Variants in DSCAML1 observed in about 807,000 individuals in gnomAD.
The protein encoded by DSCAML1 is DS cell adhesion molecule like 1.
Under a neutral mutation model 200.5 loss-of-function variants are expected in DSCAML1, and 38 were observed. The observed-to-expected ratio is 0.19, with a 90% CI of 0.15 to 0.25. DSCAML1 has a LOEUF of 0.25. Among genes scored for constraint, DSCAML1 ranks in the 10% least tolerant of loss-of-function variants. DSCAML1 has a pLI of 1.00. For synonymous variants in DSCAML1, 1,215 were observed against 1,165.0 expected (o/e 1.04, Z -0.87); for missense variants, 2,223 against 2,858.8 (o/e 0.78, Z 5.07).
intron 3 of DSCAML1, among the ~76,000 whole-genome samples, chr11:117,701,558 T>C (rs1486398051): frequency 6.6e-6 from 1 of 152,188 alleles, no homozygotes; most frequent in East Asian, 1.9e-4. Context: ...GGCTGCCGGC[T>C]GGGGAAGAGC....
intron 3 of DSCAML1, among the ~76,000 whole-genome samples, chr11:117,717,716 C>G (rs1414310099): frequency 6.6e-6 from 1 of 152,190 alleles, no homozygotes; most frequent in Non-Finnish European, 1.5e-5. Context: ...CATACTCACG[C>G]TCCCACAATG....
At chr11:117,582,092 A>G (rs1026401525) in intron 3 of DSCAML1, among the ~76,000 whole-genome samples, 1 of 152,236 alleles carries the variant, frequency 6.6e-6, no homozygotes, top group African/African-American at 2.4e-5. Flanking sequence ...GAATGAGTTC[A>G]GGGGACAAGA....
At chr11:117,644,687 G>C (rs2052484922) in intron 3 of DSCAML1, among the ~76,000 whole-genome samples, 1 of 152,234 alleles carries the variant, frequency 6.6e-6, no homozygotes, top group Non-Finnish European at 1.5e-5. Context: ...CAGCCGTGCA[G>C]CCTCCCTCTC....
chr11:117,802,411 C>A (rs529733165), intron 1 of DSCAML1, among the ~76,000 whole-genome samples: 5 of 152,178 alleles, frequency 3.3e-5, no homozygotes, highest in African/African-American at 7.2e-5. Flanking sequence ...CCGACCCTTT[C>A]GATTTGTACC....
Position 117,629,151 on chromosome 11 carries a change from T to TA in DSCAML1, c.512-96630dup, listed in dbSNP as rs1328138717. Reference sequence around the variant, plus strand: ...TAATGAGCTTAAAACATCCAGGGATTAAAAAAAAAGATGAAGAAGCTCTAC... The same window carrying TA: ...TAATGAGCTTAAAACATCCAGGGATTAAAAAAAAAAGATGAAGAAGCTCTAC... On this transcript the variant is annotated intron_variant, in intron 3 of 32. Transcript: ENST00000651296. Among the ~76,000 whole-genome samples the TA allele has an allele frequency of 4.0e-5, 6 of 151,176 alleles. No individual in the cohort carries two copies. The East Asian group carries it at 5.9e-4, about 15-fold the overall frequency.
chr11:117,695,504 A>C (rs986903817), intron 3 of DSCAML1, among the ~76,000 whole-genome samples: 11 of 152,056 alleles, frequency 7.2e-5, no homozygotes, highest in Admixed American at 2.0e-4. Flanking sequence ...GTAGAACAAG[A>C]CAAGAGAGCT....
chr11:117,535,091 T>TAAGA (rs1327558921), intron 3 of DSCAML1, among the ~76,000 whole-genome samples: 1 of 152,110 alleles, frequency 6.6e-6, no homozygotes, highest in Non-Finnish European at 1.5e-5. Context: ...TGAGAGCCTC[T>TAAGA]AAGATTAGAC....
chr11:117,759,335 G>T (rs1200360128), intron 3 of DSCAML1, among the ~76,000 whole-genome samples: 7 of 152,170 alleles, frequency 4.6e-5, no homozygotes, highest in Non-Finnish European at 1.0e-4. Context: ...GGAGATCATT[G>T]TTTCAGGATA....
intron 1 of DSCAML1, among the ~76,000 whole-genome samples, chr11:117,815,205 G>A (rs1170556416): frequency 3.3e-5 from 5 of 152,198 alleles, no homozygotes; most frequent in African/African-American, 9.6e-5. Flanking sequence ...TCCAAGGGGC[G>A]GGAGGGAACA....
intron 3 of DSCAML1, among the ~76,000 whole-genome samples, chr11:117,760,417 T>C (rs2054777915): frequency 6.6e-6 from 1 of 152,244 alleles, no homozygotes; most frequent in African/African-American, 2.4e-5. Context: ...TATGTATGCA[T>C]CCAGAAACAA....
intron 3 of DSCAML1, among the ~76,000 whole-genome samples, chr11:117,548,554 G>T (rs2050418462): frequency 6.6e-6 from 1 of 152,254 alleles, no homozygotes; most frequent in African/African-American, 2.4e-5. Flanking sequence ...ACCCAGGAGG[G>T]CCTCAAGTTC....
chr11:117,766,282 G>A (rs1469188486), intron 3 of DSCAML1, among the ~76,000 whole-genome samples: 2 of 152,190 alleles, frequency 1.3e-5, no homozygotes. Flanking sequence ...CATTCTGTAA[G>A]CACCGTTGGC....
intron 1 of DSCAML1, among the ~76,000 whole-genome samples, chr11:117,795,113 A>T (rs2055546139): frequency 6.9e-6 from 1 of 144,528 alleles, no homozygotes; most frequent in East Asian, 2.1e-4. Flanking sequence ...TATTAATGCC[A>T]GGCTCCTGGA....
intron 3 of DSCAML1, among the ~76,000 whole-genome samples, chr11:117,758,534 TG>T (rs1277689241): frequency 1.3e-5 from 2 of 151,808 alleles, no homozygotes; most frequent in Non-Finnish European, 2.9e-5. Flanking sequence ...CCCGAGTAGC[TG>T]GGACTACAGG....
At chr11:117,685,688 G>A (rs1310527478) in intron 3 of DSCAML1, among the ~76,000 whole-genome samples, 2 of 152,216 alleles carry the variant, frequency 1.3e-5, no homozygotes, top group South Asian at 2.1e-4. Flanking sequence ...GCGTACCTCT[G>A]GGTGACTTCC....
Position 117,505,653 on chromosome 11 carries a change from C to T in DSCAML1, c.1863G>A (p.Ser621=), listed in dbSNP as rs141977780. ...AGGTGATACGGATGGGCATGTCCCC[C>T]GAGGACACCACACAGGGAATGTAGA... The part of the protein sequence containing the change: ...QLLYIPCVVS[S]GDMPIRITWR... Residue 621 remains serine (S), a synonymous_variant, in exon 9 of 33, where the codon TCG becomes TCA. Transcript: ENST00000651296. This position sits in a 1 kb window ranked among gnomAD's most constrained non-coding sequence, Gnocchi z 6.7. 9.3e-6 allele frequency: 15 copies of T among 1,613,848 alleles called. No homozygotes were observed. The African/African-American group carries it at 9.3e-5, about 10-fold the overall frequency.
At chr11:117,552,912 C>T (rs2050494439) in intron 3 of DSCAML1, among the ~76,000 whole-genome samples, 1 of 152,210 alleles carries the variant, frequency 6.6e-6, no homozygotes, top group Non-Finnish European at 1.5e-5. Flanking sequence ...GCGCGATGTG[C>T]TCAGTATTGT....
intron 3 of DSCAML1, among the ~76,000 whole-genome samples, chr11:117,653,182 G>A (rs561135340): frequency 1.5e-4 from 23 of 152,234 alleles, no homozygotes; most frequent in Middle Eastern, 3.4e-3. Context: ...GGCTTGTCTC[G>A]GGGTGGGGTG....
At chr11:117,525,107 G>T in intron 4 of DSCAML1, 24 bp from the exon 5 acceptor site, 1 of 1,506,450 alleles carries the variant, frequency 6.6e-7, no homozygotes, top group Non-Finnish European at 8.8e-7. Flanking sequence ...AGGGTCGGCA[G>T]CCCTGGCCAG....
Sources: gnomAD v4.1 joint callset for allele counts (sites outside exome capture counted in the v4.1 genomes callset) on GRCh38, gnomAD v4.1.1 for gene constraint, Gnocchi (gnomAD v3.1) non-coding constraint, MANE v1.5 for transcripts, NCBI Gene and HGNC (gene_info 2026-07-23, HGNC 2026-07-21) for gene names.